The following CNTNAP3B variants were observed in gnomAD, a reference collection of about 807,000 sequenced individuals.
The protein encoded by CNTNAP3B is contactin-associated protein-like 3B.
CNTNAP3B carries 25 observed loss-of-function variants against 108.9 expected under a neutral mutation model. The ratio of observed to expected loss-of-function variants is 0.23; its 90% confidence interval spans 0.17 to 0.32. The LOEUF (loss-of-function observed/expected upper bound fraction) is 0.32, where lower values mean the gene tolerates loss of function less well. Ranked by LOEUF, CNTNAP3B falls within the 10% of genes least tolerant of loss-of-function variation. The probability of loss-of-function intolerance (pLI) is 1.00; values close to 1 mark genes in which losing one functional copy is unlikely to be tolerated. For missense variants in CNTNAP3B, 252 were observed against 1,210.4 expected (o/e 0.21, Z 11.75); for synonymous variants, 103 against 473.4 (o/e 0.22, Z 10.16).
chr9:41,954,726 C>T (rs1824802915), intron 12 of CNTNAP3B, among the ~76,000 whole-genome samples: 1 of 152,228 alleles, frequency 6.6e-6, no homozygotes, highest in South Asian at 2.1e-4. Context: ...CTCTGTTGCC[C>T]AGGCTGGAGT....
chr9:41,940,931 AC>A (rs1450568378), intron 13 of CNTNAP3B, among the ~76,000 whole-genome samples: 2 of 152,298 alleles, frequency 1.3e-5, no homozygotes, highest in Non-Finnish European at 2.9e-5. Flanking sequence ...AGAAATTATA[AC>A]GAAGGATTCT....
chr9:42,058,189 C>G (rs1267201112), intron 3 of CNTNAP3B, among the ~76,000 whole-genome samples: 1 of 149,704 alleles, frequency 6.7e-6, no homozygotes, highest in Non-Finnish European at 1.5e-5. Context: ...GTACAGATAT[C>G]TAAAAGACAT....
chr9:41,968,790 T>C (rs1825355928), intron 10 of CNTNAP3B, among the ~76,000 whole-genome samples: 1 of 133,844 alleles, frequency 7.5e-6, no homozygotes, highest in Non-Finnish European at 1.6e-5. Context: ...TTCTACCAGA[T>C]GCAGATATAA....
rs528231510 is a variant in CNTNAP3B at position 42,003,373 on chromosome 9, G to T, written c.539-4769C>A. Among the ~76,000 whole-genome samples the T allele has an allele frequency of 7.7e-4, 57 of 74,268 alleles. 6 individuals carry two copies. The highest frequency in any genetic ancestry group is 2.4e-3 in the African/African-American group (57 of 23,270). The allele number at this position is 74,268 out of a possible 152,430, so 48.7% of individuals were successfully genotyped here. A position where few individuals can be genotyped will look rare whatever the true frequency, so the allele number is the denominator to read the frequency against. ...GCTTGAAAACAGCAAGATTCCATAGGGTGCAAACACTGATGTCTTACAAAA... is the reference window on the plus strand; with the variant it reads ...GCTTGAAAACAGCAAGATTCCATAGTGTGCAAACACTGATGTCTTACAAAA... On this transcript the variant is annotated intron_variant, in intron 4 of 23. Transcript: ENST00000377561.
chr9:42,116,706 C>T (rs1203425472), intron 1 of CNTNAP3B, among the ~76,000 whole-genome samples: 1 of 139,752 alleles, frequency 7.2e-6, no homozygotes, highest in Non-Finnish European at 1.5e-5. Flanking sequence ...GCTAAATCCT[C>T]CAATTAAAAG....
At chr9:41,934,130 C>CACACACACACACAT (rs1491259532) in intron 14 of CNTNAP3B, among the ~76,000 whole-genome samples, 27 of 116,472 alleles carry the variant, frequency 2.3e-4, no homozygotes, top group African/African-American at 8.4e-4. Flanking sequence ...TATACACACA[C>CACACACACACACAT]ATATATATAT....
At chr9:41,940,167 G>C (rs1412933650) in intron 13 of CNTNAP3B, among the ~76,000 whole-genome samples, 2 of 152,294 alleles carry the variant, frequency 1.3e-5, no homozygotes, top group Non-Finnish European at 2.9e-5. Flanking sequence ...AGAGAACAAA[G>C]TGTGCTGAAA....
At chr9:42,003,048 G>T (rs1177855771) in intron 4 of CNTNAP3B, among the ~76,000 whole-genome samples, 1 of 126,966 alleles carries the variant, frequency 7.9e-6, no homozygotes, top group East Asian at 2.4e-4. Flanking sequence ...TACAATGCCT[G>T]GTTAATTTTT....
In CNTNAP3B at chr9:42,063,081, CTTTTGTACTTACTTTTGACTTAAACT is replaced by C. The variant is rs996231556; in HGVS notation, c.390+13762_390+13787del. On this transcript the variant is annotated intron_variant, in intron 3 of 23. Transcript: ENST00000377561. ...CACCACAGTTTTAAAATTTGACTTACTTTTGTACTTACTTTTGACTTAAACTTTTTGTACTTACTTTTACTAGTGAG... is the reference window on the plus strand; with the variant it reads ...CACCACAGTTTTAAAATTTGACTTACTTTTGTACTTACTTTTACTAGTGAG... Among the ~76,000 whole-genome samples the C allele has an allele frequency of 9.5e-5, 10 of 105,328 alleles. 4 individuals carry two copies. The highest frequency in any genetic ancestry group is 2.9e-4 in the African/African-American group (8 of 27,852). The allele number at this position is 105,328 out of a possible 152,430, so 69.1% of individuals were successfully genotyped here. A position where few individuals can be genotyped will look rare whatever the true frequency, so the allele number is the denominator to read the frequency against.
At position 42,129,136 on chromosome 9, in the gene CNTNAP3B, G is replaced by C. The variant is rs758927482; in HGVS notation, c.-42C>G. On this transcript the variant is annotated 5_prime_UTR_variant, in exon 1 of 24. Coordinates refer to ENST00000377561, the MANE Select transcript of CNTNAP3B (RefSeq NM_001201380.3). ...CGCCCTGAGACCCGGGCACGGCGAC[G>C]GCCGCTCTGCGTCGTTCCTGCTCTC... The C allele has an allele frequency of 2.6e-6, 4 of 1,526,894 alleles. 1 individual carries two copies. Among genetic ancestry groups the C allele is most frequent in the South Asian group, 2.3e-5 (2 of 85,250 alleles). The allele number at this position is 1,526,894 out of a possible 1,614,324, so 94.6% of individuals were successfully genotyped here. A position where few individuals can be genotyped will look rare whatever the true frequency, so the allele number is the denominator to read the frequency against.
In CNTNAP3B at chr9:42,004,802, C is replaced by T. The variant is rs1251745655; in HGVS notation, c.539-6198G>A. Among the ~76,000 whole-genome samples the T allele has an allele frequency of 3.4e-5, 4 of 117,230 alleles. No individual in the cohort carries two copies. The East Asian group carries it at 7.0e-4, about 21-fold the overall frequency. The allele number at this position is 117,230 out of a possible 152,430, so 76.9% of individuals were successfully genotyped here. ...TGTATTGGGATTCTGTAGATCAATT[C>T]GGGGAGGATGATAAGAATATTGAAT... On this transcript the variant is annotated intron_variant, in intron 4 of 23. Coordinates refer to ENST00000377561, the MANE Select transcript of CNTNAP3B (RefSeq NM_001201380.3).
intron 14 of CNTNAP3B, among the ~76,000 whole-genome samples, chr9:41,931,375 A>T (rs1433623034): frequency 3.3e-5 from 5 of 152,342 alleles, no homozygotes; most frequent in Admixed American, 1.3e-4. Flanking sequence ...AATTACTGTT[A>T]ACTATAATTT....
intron 11 of CNTNAP3B, among the ~76,000 whole-genome samples, chr9:41,961,518 T>G (rs1825090953): frequency 6.6e-6 from 1 of 152,304 alleles, no homozygotes; most frequent in African/African-American, 2.4e-5. Flanking sequence ...CTAAGCACAT[T>G]AAAAGGCCTA....
rs1827871726 is a variant in CNTNAP3B at position 42,095,010 on chromosome 9, G to C, written c.196+9619C>G. ...TCAGCATATCAGTCACCTCAAATAT[G>C]TATCATTCTTTTAGCGGTGAGAATA... On this transcript the variant is annotated intron_variant, in intron 2 of 23. Transcript: ENST00000377561. 1.5e-5 allele frequency among the ~76,000 whole-genome samples: 2 copies of C among 131,708 alleles called. 1 individual carries two copies. Among genetic ancestry groups the C allele is most frequent in the South Asian group, 5.1e-4 (2 of 3,950 alleles). 86.4% of individuals were successfully genotyped at this position (131,708 alleles called of 152,430 possible). A position where few individuals can be genotyped will look rare whatever the true frequency, so the allele number is the denominator to read the frequency against.
intron 13 of CNTNAP3B, among the ~76,000 whole-genome samples, chr9:41,950,810 G>T (rs1391418824): frequency 7.2e-6 from 1 of 139,592 alleles, no homozygotes; most frequent in Non-Finnish European, 1.5e-5. Context: ...GCCCAGGCTG[G>T]AGTGCAGTGG....
intron 14 of CNTNAP3B, among the ~76,000 whole-genome samples, chr9:41,933,948 AT>A (rs1213539375): frequency 6.6e-6 from 1 of 151,178 alleles, no homozygotes; most frequent in Non-Finnish European, 1.5e-5. Context: ...TAAAGAAATA[AT>A]TTTTCCTTGC....
intron 12 of CNTNAP3B, among the ~76,000 whole-genome samples, chr9:41,957,886 G>A (rs1351027117): frequency 9.9e-5 from 15 of 152,042 alleles, no homozygotes; most frequent in African/African-American, 2.7e-4. Context: ...TCAGCCTCCC[G>A]AGTAGCTGGG....
intron 15 of CNTNAP3B, chr9:41,926,643 G>C (rs1213081812): frequency 1.3e-5 from 2 of 152,334 alleles, no homozygotes; most frequent in Admixed American, 6.5e-5. Context: ...TTTTGTAAGA[G>C]ACAAGGTCTT....
intron 2 of CNTNAP3B, among the ~76,000 whole-genome samples, chr9:42,079,449 C>A (rs1161985920): frequency 3.4e-5 from 4 of 118,958 alleles, no homozygotes; most frequent in South Asian, 5.6e-4. Context: ...GTCCTAGGTA[C>A]AACACTACTG....
Sources: gnomAD v4.1 joint callset for allele counts (sites outside exome capture counted in the v4.1 genomes callset) on GRCh38, gnomAD v4.1.1 for gene constraint, MANE v1.5 for transcripts, NCBI Gene and HGNC (gene_info 2026-07-23, HGNC 2026-07-21) for gene names.